SYTL3: variants seen among roughly 807,000 people sequenced by gnomAD.
SYTL3 encodes the protein synaptotagmin-like protein 3.
A neutral mutation model predicts 82.1 loss-of-function variants in SYTL3; 88 were observed. That is an observed-to-expected ratio of 1.07 (90% CI 0.90 to 1.28). SYTL3 has a LOEUF of 1.28. SYTL3 is among the 50% of genes most tolerant of loss of function. SYTL3 has a pLI of 0.00. For missense variants in SYTL3, 831 were observed against 757.6 expected (o/e 1.10, Z -1.14); for synonymous variants, 311 against 289.4 (o/e 1.07, Z -0.76).
At chr6:158,685,949 G>A (rs1159887595) in intron 6 of SYTL3, among the ~76,000 whole-genome samples, 1 of 152,228 alleles carries the variant, frequency 6.6e-6, no homozygotes, top group African/African-American at 2.4e-5. Flanking sequence ...GGTGAAGTTT[G>A]TCATTTCTCA....
At chr6:158,745,443 T>C (rs765996788) in intron 11 of SYTL3, 37 bp from the exon 12 acceptor site, 3 of 1,561,232 alleles carry the variant, frequency 1.9e-6, no homozygotes, top group African/African-American at 2.7e-5. Flanking sequence ...GTGAATTAAC[T>C]GAAGTAACTT....
intron 6 of SYTL3, among the ~76,000 whole-genome samples, chr6:158,699,346 A>T (rs1386677488): frequency 6.6e-6 from 1 of 152,212 alleles, no homozygotes; most frequent in East Asian, 1.9e-4. Context: ...GTTGGGGGTT[A>T]GCGTCCTCAA....
intron 8 of SYTL3, among the ~76,000 whole-genome samples, chr6:158,713,528 G>A (rs1476567185): frequency 6.6e-6 from 1 of 152,186 alleles, no homozygotes; most frequent in African/African-American, 2.4e-5. Flanking sequence ...TTGTCATCTT[G>A]TCAACAACCC....
At chr6:158,676,792 A>C (rs1355653125) in intron 5 of SYTL3, among the ~76,000 whole-genome samples, 2 of 152,326 alleles carry the variant, frequency 1.3e-5, no homozygotes, top group African/African-American at 4.8e-5. Context: ...GCGGCCAAAA[A>C]ACACATGAAA....
intron 12 of SYTL3, among the ~76,000 whole-genome samples, chr6:158,749,966 A>G (rs1450441877): frequency 8.5e-5 from 13 of 152,246 alleles, no homozygotes; most frequent in Admixed American, 8.5e-4. Flanking sequence ...GTGCTTGCAC[A>G]TGTGCACCAT....
intron 4 of SYTL3, among the ~76,000 whole-genome samples, chr6:158,664,567 CAA>C (rs1356987963): frequency 6.6e-6 from 1 of 152,176 alleles, no homozygotes; most frequent in Admixed American, 6.5e-5. Flanking sequence ...AAAACGAAAA[CAA>C]AAACTATAAT....
At position 158,763,329 on chromosome 6, in the gene SYTL3, A is replaced by G; in HGVS notation, c.1543A>G (p.Lys515Glu). The change falls in exon 17 of 18, where the codon AAA (lysine) becomes GAA (glutamate). Residue 515 changes from lysine to glutamate, a missense_variant. Coordinates refer to ENST00000611299, the MANE Select transcript of SYTL3 (RefSeq NM_001242394.2). ...KGCLTLPDQQ[K>E]LRLKSPVLRK... ...CTGTCTCACTCTGCCAGACCAACAA[A>G]AACTGAGACTGAAGTCGCCAGTCCT... The G allele has an allele frequency of 1.2e-6, 2 of 1,614,186 alleles. No homozygotes were observed. Among genetic ancestry groups the G allele is most frequent in the Non-Finnish European group, 8.5e-7 (1 of 1,180,034 alleles).
At chr6:158,647,514 G>T (rs1583090328), upstream of SYTL3, among the ~76,000 whole-genome samples, 1 of 152,226 alleles carries the variant, frequency 6.6e-6, no homozygotes, top group East Asian at 1.9e-4. Context: ...CTGTAAATAG[G>T]AGGGTTTGAA....
At chr6:158,686,820 G>A (rs1201028866) in intron 6 of SYTL3, among the ~76,000 whole-genome samples, 3 of 152,328 alleles carry the variant, frequency 2.0e-5, no homozygotes, top group East Asian at 3.9e-4. Context: ...ACCCTGTTGA[G>A]CTGATGCTGG....
chr6:158,691,701 G>A (rs1009163354), intron 6 of SYTL3, among the ~76,000 whole-genome samples: 8 of 151,478 alleles, frequency 5.3e-5, no homozygotes, highest in African/African-American at 1.7e-4. Flanking sequence ...GCCCAGGCTG[G>A]AGTGCAGTGA....
chr6:158,665,391 G>T lies in SYTL3; in HGVS notation c.111-4G>T, dbSNP rs1789916420. 8 of 1,575,356 alleles carry T rather than the reference G, an allele frequency of 5.1e-6. No individual in the cohort carries two copies. Among genetic ancestry groups the T allele is most frequent in the Non-Finnish European group, 4.3e-6 (5 of 1,160,186 alleles). ...ACTATCTTCTTTAACTCTGAGGGCTGCAGGAAACTGAAAACACACCTGCAG... is the reference window on the plus strand; with the variant it reads ...ACTATCTTCTTTAACTCTGAGGGCTTCAGGAAACTGAAAACACACCTGCAG... On this transcript the variant is annotated splice_polypyrimidine_tract_variant and splice_region_variant and intron_variant, in intron 4 of 17. Transcript: ENST00000611299.
intron 10 of SYTL3, among the ~76,000 whole-genome samples, 177 bp from the exon 11 acceptor site, chr6:158,725,324 TGC>T (rs200793127): frequency 7.9e-5 from 12 of 151,172 alleles, no homozygotes; most frequent in African/African-American, 3.0e-4. Flanking sequence ...GGTGTGTGTG[TGC>T]GTGTGTGTGT....
intron 5 of SYTL3, among the ~76,000 whole-genome samples, chr6:158,666,721 T>C (rs1790101285): frequency 6.6e-6 from 1 of 152,210 alleles, no homozygotes; most frequent in South Asian, 2.1e-4. Flanking sequence ...CTGGGGTTTC[T>C]TCCCCCTAAA....
At chr6:158,723,226 C>G (rs376652598) in intron 10 of SYTL3, among the ~76,000 whole-genome samples, 1 of 151,128 alleles carries the variant, frequency 6.6e-6, no homozygotes, top group Non-Finnish European at 1.5e-5. Flanking sequence ...TCCTGTGTAG[C>G]TAGGACTACA....
intron 11 of SYTL3, among the ~76,000 whole-genome samples, chr6:158,744,304 C>CTTTTTTTTTTTTTTTTTTTTTT (rs869182913): frequency 2.0e-5 from 2 of 99,208 alleles, no homozygotes; most frequent in Admixed American, 1.4e-4. Flanking sequence ...CTTTTTCTTT[C>CTTTTTTTTTTTTTTTTTTTTTT]TTTTTTTTTT....
At chr6:158,731,862 G>A (rs1345070732) in intron 11 of SYTL3, among the ~76,000 whole-genome samples, 1 of 152,086 alleles carries the variant, frequency 6.6e-6, no homozygotes, top group Non-Finnish European at 1.5e-5. Context: ...CAAAGTGCTG[G>A]GATTACAGGC....
intron 11 of SYTL3, among the ~76,000 whole-genome samples, chr6:158,730,737 T>C (rs964832171): frequency 6.6e-6 from 1 of 152,158 alleles, no homozygotes; most frequent in Non-Finnish European, 1.5e-5. Context: ...TGGTAAAATA[T>C]TTCCTTGGTG....
chr6:158,756,583 G>A (rs1284194852), intron 13 of SYTL3, among the ~76,000 whole-genome samples: 1 of 151,972 alleles, frequency 6.6e-6, no homozygotes, highest in Non-Finnish European at 1.5e-5. Flanking sequence ...GTGGTGTTGG[G>A]CGTCTATAGT....
At position 158,662,802 on chromosome 6, in the gene SYTL3, T is replaced by G. The variant is rs1755820691; in HGVS notation, c.-467T>G. On this transcript the variant is annotated 5_prime_UTR_variant, in exon 4 of 18. Transcript: ENST00000611299. ...TGGTTCCTGCTGACCTGGAAACATC[T>G]TAAATGGAAGGTTAGCTTCTATGAG... is the stretch of plus-strand genomic sequence containing the variant. The G allele has an allele frequency of 6.5e-6, 1 of 152,906 alleles. No individual in the cohort carries two copies. Among genetic ancestry groups the G allele is most frequent in the Non-Finnish European group, 1.5e-5 (1 of 68,458 alleles). 9.5% of individuals were successfully genotyped at this position (152,906 alleles called of 1,614,324 possible).
Sources: gnomAD v4.1 joint callset for allele counts (sites outside exome capture counted in the v4.1 genomes callset) on GRCh38, gnomAD v4.1.1 for gene constraint, MANE v1.5 for transcripts, NCBI Gene and HGNC (gene_info 2026-07-23, HGNC 2026-07-21) for gene names.